Variants in EDARADD observed in about 807,000 individuals in gnomAD.
EDARADD encodes the protein ectodysplasin-A receptor-associated adapter protein.
In EDARADD, 20 loss-of-function variants were observed where a neutral mutation model predicts 25.6. That is an observed-to-expected ratio of 0.78 (90% CI 0.55 to 1.14). The LOEUF (loss-of-function observed/expected upper bound fraction) is 1.14, where lower values mean the gene tolerates loss of function less well. Among genes scored for constraint, EDARADD ranks in the 50% most tolerant of loss-of-function variants. The pLI is 0.00. For missense variants in EDARADD, 225 were observed against 270.1 expected (o/e 0.83, Z 1.17); for synonymous variants, 86 against 94.4 (o/e 0.91, Z 0.52).
At chr1:236,379,435 T>C (rs941319512) in intron 3 of EDARADD, among the ~76,000 whole-genome samples, 2 of 151,722 alleles carry the variant, frequency 1.3e-5, no homozygotes, top group Non-Finnish European at 2.9e-5. Context: ...ACAGATACCC[T>C]TGAAACTGAG....
At chr1:236,426,740 TCTTA>T (rs1219434400) in intron 3 of EDARADD, among the ~76,000 whole-genome samples, 1 of 152,144 alleles carries the variant, frequency 6.6e-6, no homozygotes, top group Non-Finnish European at 1.5e-5. Context: ...AGGCCCTATA[TCTTA>T]CTTAGCTTGG....
intron 4 of EDARADD, among the ~76,000 whole-genome samples, chr1:236,448,267 G>A (rs1228415005): frequency 6.6e-6 from 1 of 152,248 alleles, no homozygotes; most frequent in Non-Finnish European, 1.5e-5. Flanking sequence ...CAGCCAGAGT[G>A]AGGAAGGCTG....
intron 3 of EDARADD, among the ~76,000 whole-genome samples, chr1:236,384,041 A>G (rs879340077): frequency 6.6e-6 from 1 of 152,186 alleles, no homozygotes; most frequent in Admixed American, 6.5e-5. Flanking sequence ...TTTTGAGTTT[A>G]TATCGTGTAA....
chr1:236,387,006 G>A (rs1667363584), intron 3 of EDARADD, among the ~76,000 whole-genome samples: 1 of 51,594 alleles, frequency 1.9e-5, no homozygotes, highest in Non-Finnish European at 4.2e-5. Context: ...GGGAAGTGAG[G>A]AGCCCCTCTG....
At chr1:236,460,701 T>C (rs1026881424) in intron 4 of EDARADD, among the ~76,000 whole-genome samples, 1 of 152,212 alleles carries the variant, frequency 6.6e-6, no homozygotes, top group Admixed American at 6.5e-5. Flanking sequence ...CGTTTAGACA[T>C]GGATCATCAG....
intron 3 of EDARADD, among the ~76,000 whole-genome samples, chr1:236,367,183 C>G (rs1425807367): frequency 1.3e-5 from 2 of 150,780 alleles, no homozygotes; most frequent in African/African-American, 4.9e-5. Context: ...ACCTCCAGTT[C>G]CTGTTATCTC....
At chr1:236,418,238 C>G (rs1335687168) in intron 3 of EDARADD, among the ~76,000 whole-genome samples, 1 of 151,146 alleles carries the variant, frequency 6.6e-6, no homozygotes, top group African/African-American at 2.4e-5. Flanking sequence ...CAGGCGTGAG[C>G]CACCGCGCCC....
intron 1 of EDARADD, among the ~76,000 whole-genome samples, chr1:236,404,926 T>C (rs1667679505): frequency 6.6e-6 from 1 of 152,058 alleles, no homozygotes; most frequent in South Asian, 2.1e-4. Flanking sequence ...AAACCCCATC[T>C]CTACTAAAAA....
At chr1:236,411,617 C>T (rs148907971) in intron 2 of EDARADD, among the ~76,000 whole-genome samples, 180 of 151,350 alleles carry the variant, frequency 1.2e-3, no homozygotes, top group African/African-American at 4.2e-3. Flanking sequence ...GGCGTGATCT[C>T]GGCTCACTGC....
At chr1:236,478,034 C>T (rs573872504) in intron 5 of EDARADD, among the ~76,000 whole-genome samples, 8 of 151,918 alleles carry the variant, frequency 5.3e-5, no homozygotes, top group South Asian at 2.1e-4. Context: ...ACCCGAGAGG[C>T]GGAGGTTGCT....
chr1:236,403,287 T>C (rs1480020200), intron 1 of EDARADD, among the ~76,000 whole-genome samples: 5 of 150,686 alleles, frequency 3.3e-5, no homozygotes, highest in African/African-American at 1.2e-4. Context: ...AGCTTTTTTC[T>C]TTTCTTTTTT....
At position 236,484,361 on chromosome 1, in the gene EDARADD, C is replaced by A; in HGVS notation, c.*1712C>A. On this transcript the variant is annotated 3_prime_UTR_variant, in exon 6 of 6. Coordinates refer to ENST00000334232, the MANE Select transcript of EDARADD (RefSeq NM_145861.4). This position sits in a 1 kb window ranked among gnomAD's most constrained non-coding sequence, Gnocchi z 4.1. ...GGCAGCTCAAGACTGGTGCCCCTTG[C>A]TGATCTGAGCGCTTGGCCAAGTACA... 1 of 1,541,176 alleles carries A rather than the reference C, an allele frequency of 6.5e-7. No homozygotes were observed.
chr1:236,362,306 T>C lies in EDARADD; in HGVS notation c.-6+11467T>C, dbSNP rs183135836. Among the ~76,000 whole-genome samples, 846 of 152,350 alleles carry C rather than the reference T, an allele frequency of 5.6e-3. 3 individuals carry two copies. The highest frequency in any genetic ancestry group is 9.5e-3 in the Non-Finnish European group (646 of 68,042). On this transcript the variant is annotated intron_variant, in intron 3 of 7. Coordinates refer to the EDARADD transcript ENST00000439430. ...TGCATGTATGGAACAACCGATGATG[T>C]TGAGCGTCTATTTGTGTGCCTCCTT...
At chr1:236,362,794 G>A (rs1299274421) in intron 3 of EDARADD, among the ~76,000 whole-genome samples, 1 of 150,770 alleles carries the variant, frequency 6.6e-6, no homozygotes, top group Admixed American at 6.6e-5. Flanking sequence ...CTGTTGTAAA[G>A]GCCATCTTAT....
At chr1:236,476,193 CAAATAAATAAATAAAT>C (rs148065571) in intron 5 of EDARADD, among the ~76,000 whole-genome samples, 6 of 146,140 alleles carry the variant, frequency 4.1e-5, no homozygotes, top group East Asian at 2.0e-4. Context: ...GACTCCATCT[CAAATAAATAAATAAAT>C]AAATAAATAA....
At chr1:236,372,175 C>T (rs1558103026) in intron 3 of EDARADD, among the ~76,000 whole-genome samples, 1 of 151,996 alleles carries the variant, frequency 6.6e-6, no homozygotes, top group Admixed American at 6.6e-5. Flanking sequence ...AGGCTGGTCT[C>T]AAACTCCTGA....
Position 236,484,244 on chromosome 1 carries a change from C to A in EDARADD, c.*1595C>A. ...AGTCCCTTCAGGCGTGCAAGCTGGC[C>A]CAGGCCAATGGTTGGTGTGTCATGG... On this transcript the variant is annotated 3_prime_UTR_variant, in exon 6 of 6. Transcript: ENST00000334232. This position sits in a 1 kb window ranked among gnomAD's most constrained non-coding sequence, Gnocchi z 4.1. 1.0e-6 allele frequency: 1 copy of A among 973,024 alleles called. No homozygotes were observed. Among genetic ancestry groups the A allele is most frequent in the Non-Finnish European group, 1.7e-6 (1 of 596,192 alleles). The allele number at this position is 973,024 out of a possible 1,614,324, so 60.3% of individuals were successfully genotyped here.
At chr1:236,402,961 T>G (rs747492425) in intron 1 of EDARADD, among the ~76,000 whole-genome samples, 6 of 151,806 alleles carry the variant, frequency 4.0e-5, no homozygotes, top group Admixed American at 2.6e-4. Flanking sequence ...GTCTTGTCTT[T>G]TCTTTTTTTT....
In EDARADD at chr1:236,444,491, G is replaced by A. The variant is rs371503792; in HGVS notation, c.219+17041G>A. On this transcript the variant is annotated intron_variant, in intron 4 of 5. Transcript: ENST00000334232. ...GGGTGGAGTGCAGTGGCACAATTTC[G>A]GCTCACTGCAACCTCCGCCTGCAGG... Among the ~76,000 whole-genome samples the A allele has an allele frequency of 1.2e-4, 19 of 152,086 alleles. No individual in the cohort carries two copies. In the East Asian group the frequency reaches 3.5e-3, roughly 28 times the overall value.
Sources: gnomAD v4.1 joint callset for allele counts (sites outside exome capture counted in the v4.1 genomes callset) on GRCh38, gnomAD v4.1.1 for gene constraint, Gnocchi (gnomAD v3.1) non-coding constraint, MANE v1.5 for transcripts, NCBI Gene and HGNC (gene_info 2026-07-23, HGNC 2026-07-21) for gene names.